PSMA1: variants seen among roughly 807,000 people sequenced by gnomAD.
PSMA1 encodes proteasome subunit alpha type-1.
In PSMA1, 3 loss-of-function variants were observed where a neutral mutation model predicts 38.4. The observed-to-expected ratio is 0.08, with a 90% CI of 0.04 to 0.20. The LOEUF is 0.20. Ranked by LOEUF, PSMA1 falls within the 10% of genes least tolerant of loss-of-function variation. PSMA1 has a pLI of 1.00. For synonymous variants in PSMA1, 101 were observed against 107.1 expected (o/e 0.94, Z 0.35); for missense variants, 227 against 325.3 (o/e 0.70, Z 2.32).
At chr11:14,529,664 C>T (rs930014531) in intron 2 of PSMA1, among the ~76,000 whole-genome samples, 4 of 152,194 alleles carry the variant, frequency 2.6e-5, no homozygotes, top group Non-Finnish European at 4.4e-5. Context: ...TAACTTTATG[C>T]GTGCGTTCTT....
At chr11:14,521,749 G>A (rs1341410008), upstream of PSMA1, among the ~76,000 whole-genome samples, 43 of 134,944 alleles carry the variant, frequency 3.2e-4, no homozygotes, top group African/African-American at 1.1e-3. Flanking sequence ...CTGGGCGACA[G>A]AGTGCGACTC....
intron 1 of PSMA1, among the ~76,000 whole-genome samples, chr11:14,617,280 GA>G (rs1269454496): frequency 6.6e-6 from 1 of 152,140 alleles, no homozygotes; most frequent in Non-Finnish European, 1.5e-5. Flanking sequence ...ATTGGGAAGG[GA>G]TATTTCCCCC....
chr11:14,552,857 T>A (rs1039742725), intron 2 of PSMA1, among the ~76,000 whole-genome samples: 2 of 149,854 alleles, frequency 1.3e-5, no homozygotes, highest in African/African-American at 4.9e-5. Flanking sequence ...AGGGTCTGGC[T>A]TTATCACCCA....
At chr11:14,584,891 T>C (rs1852326463) in intron 2 of PSMA1, among the ~76,000 whole-genome samples, 1 of 152,212 alleles carries the variant, frequency 6.6e-6, no homozygotes, top group African/African-American at 2.4e-5. Flanking sequence ...GAGGATCAGA[T>C]GCTAGTGTTC....
In PSMA1 at chr11:14,519,025, T is replaced by G; in HGVS notation, c.20A>C (p.Asp7Ala). 6.3e-7 allele frequency: 1 copy of G among 1,592,626 alleles called. No individual in the cohort carries two copies. Among genetic ancestry groups the G allele is most frequent in the Non-Finnish European group, 8.6e-7 (1 of 1,167,146 alleles). Residue 7 changes from aspartate (D) to alanine (A), a missense_variant, in exon 2 of 10, where the codon GAC becomes GCC. Asp to Ala is a moderately radical substitution (Grantham distance 126, BLOSUM62 -2). Coordinates refer to ENST00000396394, the MANE Select transcript of PSMA1 (RefSeq NM_002786.4). MFRNQYDNDVTVWSPQG... is the reference protein window; with the variant it reads MFRNQYANDVTVWSPQG... Reference sequence around the variant, plus strand: ...GGGGCTCCAAACAGTGACATCATTGTCATACTGATTTCGAAACTAAAAGTA... The same window carrying G: ...GGGGCTCCAAACAGTGACATCATTGGCATACTGATTTCGAAACTAAAAGTA...
chr11:14,567,922 G>A (rs1019246705), intron 2 of PSMA1, among the ~76,000 whole-genome samples: 44 of 152,210 alleles, frequency 2.9e-4, no homozygotes, highest in African/African-American at 1.0e-3. Flanking sequence ...CTTCGGGTAG[G>A]AATTATAGCC....
chr11:14,523,252 A>G (rs981568854), upstream of PSMA1, among the ~76,000 whole-genome samples: 2 of 152,190 alleles, frequency 1.3e-5, no homozygotes, highest in African/African-American at 2.4e-5. Context: ...CTCAAGATAC[A>G]TCGTTAAAAA....
At chr11:14,545,528 G>A (rs1851816721) in intron 2 of PSMA1, among the ~76,000 whole-genome samples, 1 of 152,062 alleles carries the variant, frequency 6.6e-6, no homozygotes, top group Non-Finnish European at 1.5e-5. Context: ...TGTTCTCATT[G>A]TTCAGTTCCC....
intron 1 of PSMA1, among the ~76,000 whole-genome samples, chr11:14,636,955 C>A (rs539295828): frequency 1.9e-4 from 29 of 152,334 alleles, no homozygotes; most frequent in Non-Finnish European, 2.9e-5. Flanking sequence ...TAGCTTTGGT[C>A]TTACATTCTT....
chr11:14,520,141 C>T (rs1851504064), intron 1 of PSMA1, 156 bp downstream of exon 1: 3 of 1,210,310 alleles, frequency 2.5e-6, no homozygotes, highest in African/African-American at 3.0e-5. Context: ...CCGGCCAGGC[C>T]GGAGATGCTG....
At chr11:14,611,125 A>C (rs910642625) in exon 2 of PSMA1, 1 of 743,914 alleles carries the variant, frequency 1.3e-6, no homozygotes, top group Non-Finnish European at 2.3e-6. Flanking sequence ...CTGACCATGA[A>C]TACATGCTTT....
At chr11:14,590,782 C>T (rs533229594) in intron 2 of PSMA1, among the ~76,000 whole-genome samples, 3 of 152,338 alleles carry the variant, frequency 2.0e-5, no homozygotes, top group East Asian at 1.9e-4. Flanking sequence ...ACCCGAGACC[C>T]GCACGCCCAG....
intron 2 of PSMA1, among the ~76,000 whole-genome samples, chr11:14,576,710 G>A (rs1160279366): frequency 2.0e-5 from 3 of 152,154 alleles, no homozygotes; most frequent in Non-Finnish European, 4.4e-5. Flanking sequence ...AAGTCAGATA[G>A]CATGATGCCT....
intron 2 of PSMA1, among the ~76,000 whole-genome samples, chr11:14,608,497 C>T (rs1314212844): frequency 2.7e-5 from 4 of 150,440 alleles, no homozygotes; most frequent in Non-Finnish European, 5.9e-5. Context: ...ACCAACATGG[C>T]ACATGTATAC....
chr11:14,617,724 T>C (rs2134201923), intron 1 of PSMA1, among the ~76,000 whole-genome samples: 1 of 151,762 alleles, frequency 6.6e-6, no homozygotes, highest in African/African-American at 2.4e-5. Flanking sequence ...TGTGTGTGTA[T>C]ATGGGGTTAA....
chr11:14,628,774 G>T lies in PSMA1; in HGVS notation c.-166+14681C>A, dbSNP rs370247514. Among the ~76,000 whole-genome samples, 183 of 133,214 alleles carry T rather than the reference G, an allele frequency of 1.4e-3. 2 individuals carry two copies. The highest frequency in any genetic ancestry group is 5.0e-3 in the African/African-American group (174 of 35,148). 87.4% of individuals were successfully genotyped at this position (133,214 alleles called of 152,430 possible). ...TCCACAATGGTTGAACTAGTTTACA[G>T]TCCCACCAACAGTGTAAAAGTGTTC... On this transcript the variant is annotated intron_variant, in intron 1 of 10. Coordinates refer to the PSMA1 transcript ENST00000418988.
intron 2 of PSMA1, among the ~76,000 whole-genome samples, chr11:14,518,432 T>C (rs970197036): frequency 2.0e-5 from 3 of 152,218 alleles, no homozygotes; most frequent in African/African-American, 7.2e-5. Context: ...TTCTTGTGTA[T>C]ATTTAACGTA....
At chr11:14,586,386 C>A (rs779601439) in intron 2 of PSMA1, among the ~76,000 whole-genome samples, 9 of 151,748 alleles carry the variant, frequency 5.9e-5, no homozygotes, top group African/African-American at 1.5e-4. Flanking sequence ...GAGCCGAGAT[C>A]GTGCCATTGT....
At chr11:14,571,156 A>C (rs1222770014) in intron 2 of PSMA1, among the ~76,000 whole-genome samples, 2 of 152,174 alleles carry the variant, frequency 1.3e-5, no homozygotes, top group African/African-American at 4.8e-5. Context: ...TCCACCTCCC[A>C]GGTTCTCGCC....
Sources: gnomAD v4.1 joint callset for allele counts (sites outside exome capture counted in the v4.1 genomes callset) on GRCh38, gnomAD v4.1.1 for gene constraint, MANE v1.5 for transcripts, NCBI Gene and HGNC (gene_info 2026-07-23, HGNC 2026-07-21) for gene names.